SLC25A13: variants seen among roughly 807,000 people sequenced by gnomAD.
SLC25A13 encodes electrogenic aspartate/glutamate antiporter SLC25A13, mitochondrial.
SLC25A13 carries 70 observed loss-of-function variants against 85.5 expected under a neutral mutation model. That is an observed-to-expected ratio of 0.82 (90% CI 0.68 to 1.00). The LOEUF (loss-of-function observed/expected upper bound fraction) is 1.00, where lower values mean the gene tolerates loss of function less well. SLC25A13 is among the 50% of genes least tolerant of loss of function. SLC25A13 has a pLI of 0.00. For missense variants in SLC25A13, 765 were observed against 819.8 expected, an observed-to-expected ratio of 0.93 and a Z score of 0.82; for synonymous variants, 259 against 288.7, an observed-to-expected ratio of 0.90 and a Z score of 1.04.
intron 3 of SLC25A13, among the ~76,000 whole-genome samples, chr7:96,242,494 A>C (rs1290522961): frequency 1.3e-5 from 2 of 152,200 alleles, no homozygotes; most frequent in African/African-American, 2.4e-5. Context: ...AATTTAACCT[A>C]AAAGACTGTT....
intron 13 of SLC25A13, chr7:96,166,819 C>T (rs998593279): frequency 1.2e-4 from 19 of 152,058 alleles, no homozygotes; most frequent in African/African-American, 4.1e-4. Flanking sequence ...CACACACGGT[C>T]ACTAACACAG....
At chr7:96,197,538 T>C (rs1199637524) in intron 5 of SLC25A13, among the ~76,000 whole-genome samples, 2 of 152,156 alleles carry the variant, frequency 1.3e-5, no homozygotes, top group African/African-American at 4.8e-5. Flanking sequence ...TGTGTGGTCT[T>C]TGAAATAAAT....
intron 5 of SLC25A13, among the ~76,000 whole-genome samples, chr7:96,204,129 A>G (rs937471213): frequency 2.6e-5 from 4 of 152,210 alleles, no homozygotes; most frequent in Non-Finnish European, 5.9e-5. Context: ...GCAAAATTTT[A>G]CCATAGAGTA....
Position 96,134,806 on chromosome 7 carries a change from T to TATATATATATATATATATATATATATAA in SLC25A13, c.1453-2926_1453-2925insTTATATATATATATATATATATATATAT, listed in dbSNP as rs1792199591. ...ATACAAACAATTTTATATATATATA[T>TATATATATATATATATATATATATATAA]ATATATAACCCTGAGGAAAGGGTAG... is the stretch of plus-strand genomic sequence containing the variant. On this transcript the variant is annotated intron_variant, in intron 14 of 17. Transcript: ENST00000265631. 2.1e-5 allele frequency among the ~76,000 whole-genome samples: 3 copies of TATATATATATATATATATATATATATAA among 144,824 alleles called. 1 individual carries two copies. The highest frequency in any genetic ancestry group is 4.5e-5 in the Non-Finnish European group (3 of 66,390).
chr7:96,128,395 G>A (rs1380140298), intron 15 of SLC25A13, among the ~76,000 whole-genome samples: 1 of 152,142 alleles, frequency 6.6e-6, no homozygotes, highest in Non-Finnish European at 1.5e-5. Context: ...TGGTAACTAT[G>A]ACATTGACCA....
rs534870109 is a variant in SLC25A13 at position 96,292,877 on chromosome 7, T to G, written c.69+4021A>C. Among the ~76,000 whole-genome samples the G allele has an allele frequency of 2.7e-3, 406 of 152,178 alleles. 1 individual carries two copies. The highest frequency in any genetic ancestry group is 3.7e-3 in the Non-Finnish European group (251 of 67,986). On this transcript the variant is annotated intron_variant, in intron 2 of 17. Coordinates refer to ENST00000265631, the MANE Select transcript of SLC25A13 (RefSeq NM_014251.3). Reference sequence around the variant, plus strand: ...TCCCAAGGTAATTTACAGATTCAATTCCATCCCCATCAAGCTACCAATGAC... The same window carrying G: ...TCCCAAGGTAATTTACAGATTCAATGCCATCCCCATCAAGCTACCAATGAC...
intron 3 of SLC25A13, among the ~76,000 whole-genome samples, chr7:96,275,589 C>G (rs1325482073): frequency 6.6e-6 from 1 of 152,142 alleles, no homozygotes; most frequent in African/African-American, 2.4e-5. Context: ...TTTGCAGGGA[C>G]ATGGATGAAG....
intron 1 of SLC25A13, chr7:96,309,815 C>T (rs927179425): frequency 6.6e-6 from 1 of 152,204 alleles, no homozygotes; most frequent in African/African-American, 2.4e-5. Context: ...GTGTCCCCCA[C>T]ACCTAATTCA....
At chr7:96,126,914 A>G (rs1205184120) in intron 15 of SLC25A13, among the ~76,000 whole-genome samples, 2 of 151,784 alleles carry the variant, frequency 1.3e-5, no homozygotes, top group Non-Finnish European at 2.9e-5. Context: ...TTATGTCCAC[A>G]TAATTAACAA....
intron 13 of SLC25A13, among the ~76,000 whole-genome samples, chr7:96,150,895 G>A (rs1282787559): frequency 6.6e-6 from 1 of 151,924 alleles, no homozygotes; most frequent in Non-Finnish European, 1.5e-5. Context: ...AGCAAGCAGA[G>A]GAAAGGATTT....
chr7:96,145,761 T>A (rs1040372627), intron 14 of SLC25A13, among the ~76,000 whole-genome samples: 3 of 152,224 alleles, frequency 2.0e-5, no homozygotes, highest in African/African-American at 7.2e-5. Flanking sequence ...TCAAAATTCA[T>A]GAATAATTTT....
At position 96,321,933 on chromosome 7, in the gene SLC25A13, C is replaced by A. The variant is rs1044447024; in HGVS notation, c.15+9G>T. 6.5e-7 allele frequency: 1 copy of A among 1,535,642 alleles called. No individual in the cohort carries two copies. Reference sequence around the variant, plus strand: ...GGCGCGCTCCCCCCGGCCTCGGGCCCGCGGTTACCTTGGCGGCCGCCATGA... The same window carrying A: ...GGCGCGCTCCCCCCGGCCTCGGGCCAGCGGTTACCTTGGCGGCCGCCATGA... On this transcript the variant is annotated intron_variant, in intron 1 of 17. Coordinates refer to ENST00000265631, the MANE Select transcript of SLC25A13 (RefSeq NM_014251.3).
chr7:96,299,240 T>G, intron 1 of SLC25A13, among the ~76,000 whole-genome samples: 1 of 152,138 alleles, frequency 6.6e-6, no homozygotes, highest in East Asian at 1.9e-4. Context: ...AAATGTATAT[T>G]CAGTGCTCCC....
At chr7:96,274,630 T>C (rs1798374046) in intron 3 of SLC25A13, among the ~76,000 whole-genome samples, 1 of 152,204 alleles carries the variant, frequency 6.6e-6, no homozygotes, top group Admixed American at 6.5e-5. Flanking sequence ...TCTAGGGTTT[T>C]TATGGTTTTA....
intron 11 of SLC25A13, among the ~76,000 whole-genome samples, chr7:96,179,161 TA>T (rs1300444152): frequency 6.6e-6 from 1 of 152,176 alleles, no homozygotes. Flanking sequence ...TTTCTAGAAG[TA>T]AAGAGAATTG....
rs1367363461 is a variant in SLC25A13 at position 96,184,381 on chromosome 7, T to C, written c.1073A>G (p.Asn358Ser). The C allele has an allele frequency of 2.5e-6, 4 of 1,614,214 alleles. No individual in the cohort carries two copies. Among genetic ancestry groups the C allele is most frequent in the Non-Finnish European group, 3.4e-6 (4 of 1,180,036 alleles). ...PIDLVKTRMQNQRSTGSFVGE... is the reference protein window; with the variant it reads ...PIDLVKTRMQSQRSTGSFVGE... ...CACAAAAGAGCCAGTTGATCGTTGGTTCTGCATTCGAGTTTTTACAAGATC... is the reference window on the plus strand; with the variant it reads ...CACAAAAGAGCCAGTTGATCGTTGGCTCTGCATTCGAGTTTTTACAAGATC... Residue 358 changes from asparagine to serine, a missense_variant, in exon 11 of 18, where the codon AAC (asparagine) becomes AGC (serine). Asn to Ser is a conservative substitution (Grantham distance 46, BLOSUM62 1). Coordinates refer to ENST00000265631, the MANE Select transcript of SLC25A13 (RefSeq NM_014251.3).
chr7:96,142,659 G>A (rs564504182), intron 14 of SLC25A13, among the ~76,000 whole-genome samples: 6 of 152,268 alleles, frequency 3.9e-5, no homozygotes, highest in Middle Eastern at 3.4e-3. Context: ...ATCTTCAGCA[G>A]TGGCTATCCT....
chr7:96,233,289 G>A lies in SLC25A13; in HGVS notation c.328+1513C>T, dbSNP rs1796626887. ...CAATGTCACCAAACTCGCTTCCATT[G>A]AGTAAATCAATAACACCATGAGCTA... On this transcript the variant is annotated intron_variant, in intron 4 of 17. Transcript: ENST00000265631. Among the ~76,000 whole-genome samples, 3 of 152,278 alleles carry A rather than the reference G, an allele frequency of 2.0e-5. No individual in the cohort carries two copies. The South Asian group carries it at 6.2e-4, about 32-fold the overall frequency.
chr7:96,306,399 G>C (rs904548968), intron 1 of SLC25A13, among the ~76,000 whole-genome samples: 1 of 152,224 alleles, frequency 6.6e-6, no homozygotes, highest in African/African-American at 2.4e-5. Flanking sequence ...TGCTGTTCCC[G>C]GTTCTCCTCC....
Sources: allele counts gnomAD v4.1 joint callset (sites outside exome capture counted in the v4.1 genomes callset), GRCh38; gene constraint gnomAD v4.1.1; transcripts MANE v1.5; gene names NCBI Gene and HGNC (gene_info 2026-07-23, HGNC 2026-07-21).